Variants in GNAL observed in about 807,000 individuals in gnomAD.
GNAL encodes guanine nucleotide-binding protein G(olf) subunit alpha.
GNAL carries 18 observed loss-of-function variants against 55.1 expected under a neutral mutation model. The ratio of observed to expected loss-of-function variants is 0.33; its 90% CI spans 0.23 to 0.48. The LOEUF is 0.48. Among genes scored for constraint, GNAL ranks in the 20% least tolerant of loss-of-function variants. GNAL has a pLI of 0.99. For missense variants in GNAL, 412 were observed against 614.1 expected (o/e 0.67, Z 3.48); for synonymous variants, 253 against 237.0 (o/e 1.07, Z -0.62).
intron 1 of GNAL, among the ~76,000 whole-genome samples, chr18:11,721,585 G>A (rs2032094533): frequency 1.3e-5 from 2 of 149,824 alleles, no homozygotes; most frequent in South Asian, 2.3e-4. Context: ...GTGAAACCCC[G>A]TCTCTATTAA....
At chr18:11,746,537 G>A (rs955008200) in intron 1 of GNAL, 1 of 232,912 alleles carries the variant, frequency 4.3e-6, no homozygotes, top group Admixed American at 5.0e-5. Flanking sequence ...TCCAGCCCAG[G>A]AGGTTGAGGC....
At chr18:11,732,022 C>CT (rs1171024106) in intron 1 of GNAL, among the ~76,000 whole-genome samples, 1 of 151,944 alleles carries the variant, frequency 6.6e-6, no homozygotes, top group Non-Finnish European at 1.5e-5. Context: ...TACTTCATTC[C>CT]TTTTTGTGGT....
intron 5 of GNAL, 36 bp from the exon 6 acceptor site, chr18:11,862,359 A>C: frequency 1.9e-6 from 3 of 1,585,296 alleles, no homozygotes; most frequent in Non-Finnish European, 2.6e-6. Flanking sequence ...AAGTGGGCAG[A>C]GAACAGGCCT....
intron 1 of GNAL, among the ~76,000 whole-genome samples, chr18:11,708,922 G>C (rs1011117309): frequency 3.3e-5 from 5 of 152,122 alleles, no homozygotes; most frequent in Non-Finnish European, 1.5e-5. Context: ...TCGTTCAGTA[G>C]TTTTACAGTT....
chr18:11,751,015 C>G lies in GNAL; in HGVS notation c.377-1838C>G, dbSNP rs2032808218. On this transcript the variant is annotated intron_variant, in intron 1 of 11. Coordinates refer to ENST00000334049, the MANE Select transcript of GNAL (RefSeq NM_182978.4). The surrounding 1 kb of genome is among the most constrained non-coding windows in gnomAD (Gnocchi z 4.5). ...GAGCCGGGGCGGGCTGGGGTCTGTT[C>G]TCCTGAAGAAGGCCAGCTCCGCAGT... 1.3e-5 allele frequency among the ~76,000 whole-genome samples: 2 copies of G among 151,584 alleles called. No individual in the cohort carries two copies. Among genetic ancestry groups the G allele is most frequent in the South Asian group, 4.1e-4 (2 of 4,822 alleles).
intron 4 of GNAL, among the ~76,000 whole-genome samples, chr18:11,819,001 G>A (rs1456754005): frequency 1.3e-5 from 2 of 152,216 alleles, no homozygotes; most frequent in African/African-American, 2.4e-5. Context: ...CCAGCATGGC[G>A]AGTGGGAGCA....
At chr18:11,749,533 G>A (rs1568008523) in intron 1 of GNAL, among the ~76,000 whole-genome samples, 1 of 152,066 alleles carries the variant, frequency 6.6e-6, no homozygotes. Flanking sequence ...TATTCCCAGC[G>A]CATCTCCTCT....
chr18:11,708,352 G>A (rs930575901), intron 1 of GNAL, among the ~76,000 whole-genome samples: 11 of 152,120 alleles, frequency 7.2e-5, no homozygotes, highest in Non-Finnish European at 1.5e-5. Context: ...GAGAGATGGG[G>A]GAATGGCTGG....
rs2036843612 is a variant in GNAL at position 11,884,219 on chromosome 18, A to G, written c.*3084A>G. 1.9e-6 allele frequency: 1 copy of G among 523,710 alleles called. No individual in the cohort carries two copies. Among genetic ancestry groups the G allele is most frequent in the Non-Finnish European group, 3.4e-6 (1 of 291,474 alleles). 32.4% of individuals were successfully genotyped at this position (523,710 alleles called of 1,614,324 possible). On this transcript the variant is annotated 3_prime_UTR_variant, in exon 12 of 12. Coordinates refer to ENST00000334049, the MANE Select transcript of GNAL (RefSeq NM_182978.4). ...CAACCTTTGATGATACATATATTTGATAAAAATGAGAAAACAGATTTGTTG... is the reference window on the plus strand; with the variant it reads ...CAACCTTTGATGATACATATATTTGGTAAAAATGAGAAAACAGATTTGTTG...
At chr18:11,827,282 T>G (rs914343585) in intron 5 of GNAL, among the ~76,000 whole-genome samples, 1 of 152,132 alleles carries the variant, frequency 6.6e-6, no homozygotes, top group African/African-American at 2.4e-5. Context: ...AAAGAAAGTA[T>G]TTACTCATGA....
chr18:11,764,307 A>C (rs537293630), intron 4 of GNAL, among the ~76,000 whole-genome samples: 2 of 152,022 alleles, frequency 1.3e-5, no homozygotes, highest in East Asian at 1.9e-4. Context: ...GGGTTTCACT[A>C]TGTTGGCCAG....
intron 1 of GNAL, among the ~76,000 whole-genome samples, chr18:11,719,815 G>C (rs975503847): frequency 6.6e-6 from 1 of 152,102 alleles, no homozygotes; most frequent in Non-Finnish European, 1.5e-5. Context: ...ATGCTGCAGC[G>C]GCCGTGGACG....
At chr18:11,856,949 G>T (rs5018698) in intron 5 of GNAL, among the ~76,000 whole-genome samples, 2 of 151,984 alleles carry the variant, frequency 1.3e-5, no homozygotes, top group Non-Finnish European at 2.9e-5. Context: ...AAAATAAATA[G>T]TTTTTTAAAT....
rs772956407 is a variant in GNAL, at chr18:11,884,482, G to A, written c.*3347G>A. The A allele has an allele frequency of 1.2e-6, 2 of 1,614,018 alleles. No individual in the cohort carries two copies. Among genetic ancestry groups the A allele is most frequent in the African/African-American group, 1.3e-5 (1 of 74,920 alleles). On this transcript the variant is annotated 3_prime_UTR_variant, in exon 12 of 12. Coordinates refer to ENST00000334049, the MANE Select transcript of GNAL (RefSeq NM_182978.4). ...ACGCTTTCCGAGCAAGTTCAAACCA[G>A]AAAGAAAAGGTGAGGCTAGAAGCCC...
At chr18:11,723,011 CAAAAAAAAAAAA>C (rs61457198) in intron 1 of GNAL, among the ~76,000 whole-genome samples, 3 of 80,000 alleles carry the variant, frequency 3.7e-5, no homozygotes, top group Non-Finnish European at 2.3e-5. Flanking sequence ...AACTTCATCT[CAAAAAAAAAAAA>C]AAAAAAAAAA....
chr18:11,855,376 A>T (rs1178176721), intron 5 of GNAL, among the ~76,000 whole-genome samples: 2 of 152,258 alleles, frequency 1.3e-5, no homozygotes, highest in Non-Finnish European at 2.9e-5. Context: ...TAACTAGTTA[A>T]TCTTCCATTT....
At chr18:11,874,110 G>A (rs992021066) in intron 10 of GNAL, 7 of 152,428 alleles carry the variant, frequency 4.6e-5, no homozygotes, top group African/African-American at 1.7e-4. Flanking sequence ...CCAGCCGCGG[G>A]TGCTGAAGGG....
At position 11,880,118 on chromosome 18, in the gene GNAL, G is replaced by A. The variant is rs184391451; in HGVS notation, c.1231-871G>A. 2.7e-4 allele frequency among the ~76,000 whole-genome samples: 41 copies of A among 150,838 alleles called. 2 individuals are homozygous for A. Among genetic ancestry groups the A allele is most frequent in the East Asian group, 2.0e-3 (10 of 4,894 alleles). Reference sequence around the variant, plus strand: ...CTAAAAATACAAAAAGTAGCCAGGCGTGGTGGCGCACGCCTGTAATCCCAG... The same window carrying A: ...CTAAAAATACAAAAAGTAGCCAGGCATGGTGGCGCACGCCTGTAATCCCAG... On this transcript the variant is annotated intron_variant, in intron 11 of 11. Transcript: ENST00000334049.
intron 1 of GNAL, among the ~76,000 whole-genome samples, chr18:11,718,806 A>G (rs560574442): frequency 3.9e-5 from 6 of 152,302 alleles, no homozygotes; most frequent in Admixed American, 3.3e-4. Context: ...TATTCCTCCT[A>G]GTAACTATAT....
Sources: allele counts gnomAD v4.1 joint callset (sites outside exome capture counted in the v4.1 genomes callset), GRCh38; gene constraint gnomAD v4.1.1; non-coding constraint Gnocchi (gnomAD v3.1); transcripts MANE v1.5; gene names NCBI Gene and HGNC (gene_info 2026-07-23, HGNC 2026-07-21).